Variants in BAHCC1 observed in about 807,000 individuals in gnomAD.
BAHCC1 encodes BAH and coiled-coil domain-containing protein 1.
In BAHCC1, 43 loss-of-function variants were observed where a neutral mutation model predicts 88.2. The observed-to-expected ratio is 0.49, with a 90% CI of 0.38 to 0.63. The LOEUF is 0.63. Among genes scored for constraint, BAHCC1 ranks in the 20% least tolerant of loss-of-function variants. The pLI is 0.00. For missense variants in BAHCC1, 3,023 were observed against 1,654.8 expected, an observed-to-expected ratio of 1.83 and a Z score of -14.34; for synonymous variants, 1,510 against 745.5, an observed-to-expected ratio of 2.03 and a Z score of -16.71.
chr17:81,417,723 A>G (rs1706484894), intron 2 of BAHCC1, among the ~76,000 whole-genome samples: 1 of 152,200 alleles, frequency 6.6e-6, no homozygotes, highest in Admixed American at 6.5e-5. Flanking sequence ...GTACACAGCA[A>G]CCACAGAGTT....
chr17:81,446,934 G>A, intron 10 of BAHCC1, 102 bp from the exon 11 acceptor site: 1 of 722,620 alleles, frequency 1.4e-6, no homozygotes, highest in Non-Finnish European at 2.5e-6. Flanking sequence ...CTTCCGCACG[G>A]GCTTGGGTCT....
intron 2 of BAHCC1, among the ~76,000 whole-genome samples, chr17:81,400,136 GTC>G (rs1295855299): frequency 6.6e-6 from 1 of 152,102 alleles, no homozygotes; most frequent in Admixed American, 6.5e-5. Context: ...TCCCCCGGGG[GTC>G]TCGGAGGGGC....
chr17:81,413,006 G>T (rs1424667241), intron 2 of BAHCC1: 2 of 309,060 alleles, frequency 6.5e-6, no homozygotes, highest in Admixed American at 7.6e-5. Context: ...GGGGCAGTGG[G>T]TGGGTGTCAC....
chr17:81,396,164 G>A (rs1025023106), intron 1 of BAHCC1: 2 of 152,332 alleles, frequency 1.3e-5, no homozygotes, highest in Non-Finnish European at 2.9e-5. Context: ...GCGGCGAGGG[G>A]AACTGGCCGG....
intron 2 of BAHCC1, among the ~76,000 whole-genome samples, chr17:81,421,085 G>A (rs1283386859): frequency 6.6e-6 from 1 of 152,266 alleles, no homozygotes; most frequent in African/African-American, 2.4e-5. Context: ...CCAGGTAGGG[G>A]AGGTGCCACT....
At chr17:81,429,460 C>T (rs1009105086) in intron 3 of BAHCC1, among the ~76,000 whole-genome samples, 1 of 152,254 alleles carries the variant, frequency 6.6e-6, no homozygotes, top group African/African-American at 2.4e-5. Context: ...GTGAGCTGAG[C>T]GGCAGAGGCC....
chr17:81,445,143 T>C lies in BAHCC1; in HGVS notation c.2800T>C (p.Tyr934His). The C allele has an allele frequency of 1.3e-6, 1 of 773,722 alleles. No homozygotes were observed. The allele number at this position is 773,722 out of a possible 1,614,324, so 47.9% of individuals were successfully genotyped here. A position where few individuals can be genotyped will look rare whatever the true frequency, so the allele number is the denominator to read the frequency against. The change falls in exon 9 of 28, where the codon TAT (tyrosine) becomes CAT (histidine). Residue 934 changes from tyrosine to histidine, a missense_variant. By Grantham distance (83) the Tyr-to-His change is moderately conservative. Coordinates refer to ENST00000675386, the MANE Select transcript of BAHCC1 (RefSeq NM_001377448.1). ...RPQLLRQQEL[Y>H]ALQQQRAAQF... ...GCAGCTCCTCCGGCAGCAGGAGCTCTATGCTTTGCAGCAGCAGAGGGCCGC... is the reference window on the plus strand; with the variant it reads ...GCAGCTCCTCCGGCAGCAGGAGCTCCATGCTTTGCAGCAGCAGAGGGCCGC...
intron 2 of BAHCC1, among the ~76,000 whole-genome samples, chr17:81,426,412 G>C (rs1184348374): frequency 1.8e-4 from 9 of 49,412 alleles, no homozygotes; most frequent in Admixed American, 3.4e-4. Context: ...GGGTGATGTG[G>C]TTGGGGGTGA....
At position 81,459,305 on chromosome 17, in the gene BAHCC1, C is replaced by T. The variant is rs2030035472; in HGVS notation, c.5773C>T (p.Leu1925=). ...ERGNRQRIYS[L]EQLLQEAVLD... is the part of the protein sequence containing the mutation. Reference sequence around the variant, plus strand: ...GGGCAACCGGCAGAGGATCTACTCACTGGAGCAGCTGCTGCAGGAAGCGGT... The same window carrying T: ...GGGCAACCGGCAGAGGATCTACTCATTGGAGCAGCTGCTGCAGGAAGCGGT... Residue 1925 remains leucine, a synonymous_variant, in exon 22 of 28, where the codon CTG becomes TTG. Transcript: ENST00000675386. 1 of 779,256 alleles carries T rather than the reference C, an allele frequency of 1.3e-6. No homozygotes were observed. Among genetic ancestry groups the T allele is most frequent in the East Asian group, 2.4e-5 (1 of 41,222 alleles). The allele number at this position is 779,256 out of a possible 1,614,324, so 48.3% of individuals were successfully genotyped here.
chr17:81,399,911 C>G lies in BAHCC1; in HGVS notation c.172C>G (p.His58Asp). 6.9e-7 allele frequency: 1 copy of G among 1,442,514 alleles called. No homozygotes were observed. The highest frequency in any genetic ancestry group is 3.0e-5 in the East Asian group (1 of 32,798). 89.4% of individuals were successfully genotyped at this position (1,442,514 alleles called of 1,614,324 possible). The change falls in exon 2 of 28, where the codon CAC becomes GAC. Residue 58 changes from histidine to aspartate, a missense_variant. Physicochemically the swap from His to Asp is moderately conservative, Grantham distance 81. Coordinates refer to ENST00000675386, the MANE Select transcript of BAHCC1 (RefSeq NM_001377448.1). This position sits in a 1 kb window ranked among gnomAD's most constrained non-coding sequence, Gnocchi z 4.5. Reference protein sequence around the residue: ...YFPSPLPMASHTASSRLMGSS... With the variant: ...YFPSPLPMASDTASSRLMGSS... Reference sequence around the variant, plus strand: ...CCCGTCGCCGTTGCCCATGGCTTCGCACACAGGTCAGTGCTCGGCCGGGGC... The same window carrying G: ...CCCGTCGCCGTTGCCCATGGCTTCGGACACAGGTCAGTGCTCGGCCGGGGC...
chr17:81,400,467 T>C (rs2063801445), intron 2 of BAHCC1, among the ~76,000 whole-genome samples: 1 of 152,152 alleles, frequency 6.6e-6, no homozygotes, highest in Admixed American at 6.5e-5. Context: ...CGAGAATGGG[T>C]TTGCAGGGAT....
Position 81,443,262 on chromosome 17 carries a change from A to G in BAHCC1, c.1913A>G (p.Lys638Arg), listed in dbSNP as rs782050756. 10 of 779,370 alleles carry G rather than the reference A, an allele frequency of 1.3e-5. No homozygotes were observed. Among genetic ancestry groups the G allele is most frequent in the South Asian group, 5.4e-5 (4 of 74,634 alleles). 48.3% of individuals were successfully genotyped at this position (779,370 alleles called of 1,614,324 possible). Residue 638 changes from lysine (K) to arginine (R), a missense_variant, in exon 5 of 28, where the codon AAA (lysine) becomes AGA (arginine). By Grantham distance (26) the Lys-to-Arg change is conservative. Transcript: ENST00000675386. ...GTCTCAGCCATGAAGAACCTGCTCAAATACAGCAGCCAGGCCCTGGTGGTG... is the reference window on the plus strand; with the variant it reads ...GTCTCAGCCATGAAGAACCTGCTCAGATACAGCAGCCAGGCCCTGGTGGTG... Reference protein sequence around the residue: ...DEVSAMKNLLKYSSQALVVGQ... With the variant: ...DEVSAMKNLLRYSSQALVVGQ...
In BAHCC1 at chr17:81,452,761, C is replaced by T; in HGVS notation, c.4355C>T (p.Pro1452Leu). Residue 1452 changes from proline to leucine, a missense_variant, in exon 14 of 28, where the codon CCT (proline) becomes CTT (leucine). By Grantham distance (98) the Pro-to-Leu change is moderately conservative (BLOSUM62 -3). Coordinates refer to ENST00000675386, the MANE Select transcript of BAHCC1 (RefSeq NM_001377448.1). ...TCACGGAGCCCTGCACGGCGGGGGC[C>T]TGGCCGGCCGAGGAAGCGCAAACAC... Reference protein sequence around the residue: ...ESSRSPARRGPGRPRKRKHSS... With the variant: ...ESSRSPARRGLGRPRKRKHSS... 1.3e-6 allele frequency: 1 copy of T among 747,180 alleles called. No individual in the cohort carries two copies. The highest frequency in any genetic ancestry group is 2.5e-6 in the Non-Finnish European group (1 of 405,494). The allele number at this position is 747,180 out of a possible 1,614,324, so 46.3% of individuals were successfully genotyped here.
rs576549165 is a variant in BAHCC1, at chr17:81,463,973, G to C, written c.*156G>C. On this transcript the variant is annotated 3_prime_UTR_variant, in exon 28 of 28. Coordinates refer to ENST00000675386, the MANE Select transcript of BAHCC1 (RefSeq NM_001377448.1). ...CAGGGCAAGACCCAGGCTTTCTTAC[G>C]GTTTTCCCTGGAAAGAGCGCTCCAG... The C allele has an allele frequency of 4.9e-6, 3 of 614,682 alleles. No homozygotes were observed. Among genetic ancestry groups the C allele is most frequent in the Non-Finnish European group, 8.7e-6 (3 of 343,502 alleles). The allele number at this position is 614,682 out of a possible 1,614,324, so 38.1% of individuals were successfully genotyped here.
At chr17:81,439,503 G>A (rs527559326) in intron 4 of BAHCC1, among the ~76,000 whole-genome samples, 29 of 152,148 alleles carry the variant, frequency 1.9e-4, no homozygotes, top group Admixed American at 1.8e-3. Flanking sequence ...AGAGGGGCTG[G>A]GGCGTCTCCC....
At chr17:81,398,145 T>G (rs1337850937) in intron 1 of BAHCC1, among the ~76,000 whole-genome samples, 2 of 152,272 alleles carry the variant, frequency 1.3e-5, no homozygotes, top group South Asian at 2.1e-4. Flanking sequence ...CCATCTCCCT[T>G]TTGTTGGAGG....
At chr17:81,444,055 C>G in intron 6 of BAHCC1, 138 bp downstream of exon 6, 1 of 632,406 alleles carries the variant, frequency 1.6e-6, no homozygotes, top group East Asian at 2.7e-5. Flanking sequence ...GGGGTTCTCC[C>G]CACCCCTAGA....
chr17:81,427,050 G>A (rs1248712515), intron 3 of BAHCC1, 71 bp downstream of exon 3: 5 of 398,378 alleles, frequency 1.3e-5, no homozygotes, highest in South Asian at 1.3e-4. Flanking sequence ...CCGGGCCAGG[G>A]GCAGGTGAGG....
At chr17:81,460,233 C>T (rs971996501) in intron 23 of BAHCC1, 44 bp from the exon 24 acceptor site, 1 of 724,628 alleles carries the variant, frequency 1.4e-6, no homozygotes, top group South Asian at 1.5e-5. Context: ...GTTTCGGGCG[C>T]CTACTGGGGG....
Sources: gnomAD v4.1 joint callset for allele counts (sites outside exome capture counted in the v4.1 genomes callset) on GRCh38, gnomAD v4.1.1 for gene constraint, Gnocchi (gnomAD v3.1) non-coding constraint, MANE v1.5 for transcripts, NCBI Gene and HGNC (gene_info 2026-07-23, HGNC 2026-07-21) for gene names.